PIK3C2G: variants seen among roughly 807,000 people sequenced by gnomAD.
PIK3C2G encodes the protein phosphatidylinositol-4-phosphate 3-kinase catalytic subunit type 2 gamma, also known as phosphatidylinositol 3-kinase C2 domain-containing subunit gamma.
Under a neutral mutation model 181.1 loss-of-function variants are expected in PIK3C2G, and 168 were observed. The ratio of observed to expected loss-of-function variants is 0.93; its 90% CI spans 0.82 to 1.05. PIK3C2G has a LOEUF of 1.05. PIK3C2G is among the 50% of genes least tolerant of loss of function. The pLI, the probability that PIK3C2G is intolerant of heterozygous loss-of-function variation, is 0.00. For synonymous variants in PIK3C2G, 573 were observed against 592.2 expected, an observed-to-expected ratio of 0.97 and a Z score of 0.47; for missense variants, 1,869 against 1,732.8, an observed-to-expected ratio of 1.08 and a Z score of -1.40.
chr12:18,317,203 G>A (rs751511275), intron 6 of PIK3C2G, among the ~76,000 whole-genome samples: 1 of 151,420 alleles, frequency 6.6e-6, no homozygotes, highest in Non-Finnish European at 1.5e-5. Flanking sequence ...TAGTAGAGAC[G>A]GGTTTCACCA....
chr12:18,634,852 G>A lies in PIK3C2G; in HGVS notation c.4183-5577G>A, dbSNP rs140243383. Among the ~76,000 whole-genome samples the A allele has an allele frequency of 5.7e-3, 867 of 152,276 alleles. 2 individuals are homozygous for A. Among genetic ancestry groups the A allele is most frequent in the Middle Eastern group, 0.014 (4 of 294 alleles). On this transcript the variant is annotated intron_variant, in intron 31 of 32. Coordinates refer to ENST00000538779, the MANE Select transcript of PIK3C2G (RefSeq NM_001288772.2). ...CACCCTTCAGTGAGCATTCACATGG[G>A]ATGTGAATATCTTCACTTTTTTTTT...
chr12:18,549,378 TATAATA>T (rs913629507), intron 26 of PIK3C2G, among the ~76,000 whole-genome samples: 9 of 152,044 alleles, frequency 5.9e-5, no homozygotes, highest in Non-Finnish European at 8.8e-5. Context: ...ATAAAAAGCA[TATAATA>T]ATAACTACAA....
chr12:18,506,941 A>G (rs896150531), intron 24 of PIK3C2G, among the ~76,000 whole-genome samples: 1 of 152,138 alleles, frequency 6.6e-6, no homozygotes, highest in African/African-American at 2.4e-5. Context: ...ATACAAATGG[A>G]TTATTTTACT....
chr12:18,328,377 TAG>T (rs1293090368), intron 8 of PIK3C2G, among the ~76,000 whole-genome samples: 5 of 151,954 alleles, frequency 3.3e-5, no homozygotes, highest in African/African-American at 1.2e-4. Flanking sequence ...TGTATTCATC[TAG>T]AGAGAGAAAG....
At chr12:18,487,515 A>G (rs926318605) in intron 18 of PIK3C2G, among the ~76,000 whole-genome samples, 13 of 152,140 alleles carry the variant, frequency 8.5e-5, no homozygotes, top group Non-Finnish European at 1.2e-4. Context: ...ACTAAAGACC[A>G]GTTAAGATTA....
At chr12:18,513,194 C>CTAA (rs1416412445) in intron 24 of PIK3C2G, among the ~76,000 whole-genome samples, 1 of 151,700 alleles carries the variant, frequency 6.6e-6, no homozygotes, top group African/African-American at 2.4e-5. Context: ...ATTCAGCTTT[C>CTAA]TAATAATATT....
At chr12:18,482,454 C>A (rs1592371962) in intron 18 of PIK3C2G, among the ~76,000 whole-genome samples, 1 of 151,962 alleles carries the variant, frequency 6.6e-6, no homozygotes, top group Non-Finnish European at 1.5e-5. Flanking sequence ...CCTTGGAGAA[C>A]CTCCCCACCA....
At chr12:18,684,758 G>C in the PIK3C2G span, among the ~76,000 whole-genome samples, 2 of 152,090 alleles carry the variant, frequency 1.3e-5, no homozygotes, top group East Asian at 3.9e-4. Context: ...CCTTGATATG[G>C]TTAAGCTTTG....
chr12:18,509,128 T>C (rs1942043548), intron 24 of PIK3C2G, among the ~76,000 whole-genome samples: 1 of 152,178 alleles, frequency 6.6e-6, no homozygotes, highest in African/African-American at 2.4e-5. Context: ...CTCAGCTCAC[T>C]GAAATCTCCA....
the PIK3C2G span, chr12:18,683,562 C>CT: frequency 6.7e-7 from 1 of 1,481,510 alleles, no homozygotes; most frequent in Non-Finnish European, 9.0e-7. Flanking sequence ...CCGCAAAGCG[C>CT]TGCATGATCC....
chr12:18,711,149 G>A, the PIK3C2G span, among the ~76,000 whole-genome samples: 23 of 151,814 alleles, frequency 1.5e-4, no homozygotes, highest in African/African-American at 2.7e-4. Flanking sequence ...ATCCAACAAC[G>A]ATAGACTGGA....
intron 11 of PIK3C2G, among the ~76,000 whole-genome samples, chr12:18,360,036 T>C (rs1487712032): frequency 6.6e-6 from 1 of 152,184 alleles, no homozygotes; most frequent in African/African-American, 2.4e-5. Context: ...ATCTTCTTTG[T>C]CTTTTCCTCT....
intron 29 of PIK3C2G, among the ~76,000 whole-genome samples, chr12:18,571,394 G>A (rs1447199774): frequency 6.6e-6 from 1 of 150,586 alleles, no homozygotes; most frequent in East Asian, 1.9e-4. Flanking sequence ...GTATATTAGT[G>A]CAAATTGTCA....
chr12:18,250,510 C>T (rs1443471197), intron 1 of PIK3C2G, among the ~76,000 whole-genome samples: 1 of 152,006 alleles, frequency 6.6e-6, no homozygotes, highest in Non-Finnish European at 1.5e-5. Flanking sequence ...CAGAAGGTGG[C>T]GCTGTAGAAT....
At chr12:18,266,013 T>C (rs1482762913) in intron 1 of PIK3C2G, among the ~76,000 whole-genome samples, 2 of 61,748 alleles carry the variant, frequency 3.2e-5, no homozygotes, top group Non-Finnish European at 2.8e-5. Flanking sequence ...AGACTTCATC[T>C]AAAAAAAAAA....
chr12:18,297,304 T>C (rs1198736499), intron 5 of PIK3C2G, among the ~76,000 whole-genome samples: 1 of 152,038 alleles, frequency 6.6e-6, no homozygotes, highest in African/African-American at 2.4e-5. Flanking sequence ...TAGCCAAATA[T>C]TTACTAGGAG....
chr12:18,607,847 T>C (rs1948117001), intron 30 of PIK3C2G, among the ~76,000 whole-genome samples: 1 of 151,762 alleles, frequency 6.6e-6, no homozygotes, highest in Admixed American at 6.6e-5. Flanking sequence ...TCAAACAAAT[T>C]TACAAGAAAA....
the PIK3C2G span, chr12:18,693,980 G>A: frequency 7.3e-6 from 11 of 1,505,512 alleles, no homozygotes; most frequent in Non-Finnish European, 1.0e-5. Flanking sequence ...CTGTACAGAA[G>A]CTGGTCTGAT....
At chr12:18,721,798 C>G in the PIK3C2G span, among the ~76,000 whole-genome samples, 1 of 151,722 alleles carries the variant, frequency 6.6e-6, no homozygotes, top group African/African-American at 2.4e-5. Context: ...AGCTCTTTAC[C>G]TTGCTGCTAA....
Sources: gnomAD v4.1 joint callset for allele counts (sites outside exome capture counted in the v4.1 genomes callset) on GRCh38, gnomAD v4.1.1 for gene constraint, MANE v1.5 for transcripts, NCBI Gene and HGNC (gene_info 2026-07-23, HGNC 2026-07-21) for gene names.